SLC12A2: variants seen among roughly 807,000 people sequenced by gnomAD.
SLC12A2 encodes solute carrier family 12 member 2.
A neutral mutation model predicts 136.3 loss-of-function variants in SLC12A2; 67 were observed. The ratio of observed to expected loss-of-function variants is 0.49; its 90% CI spans 0.40 to 0.60. The LOEUF (loss-of-function observed/expected upper bound fraction) is 0.60, where lower values mean the gene tolerates loss of function less well. SLC12A2 is among the 20% of genes least tolerant of loss of function. The pLI, the probability that SLC12A2 is intolerant of heterozygous loss-of-function variation, is 0.00. For synonymous variants in SLC12A2, 619 were observed against 562.9 expected, an observed-to-expected ratio of 1.10 and a Z score of -1.41; for missense variants, 1,322 against 1,534.7, an observed-to-expected ratio of 0.86 and a Z score of 2.32.
intron 1 of SLC12A2, among the ~76,000 whole-genome samples, chr5:128,093,062 A>G (rs1010060944): frequency 6.6e-6 from 1 of 151,882 alleles, no homozygotes; most frequent in African/African-American, 2.4e-5. Context: ...TGTGGCTTCT[A>G]TTTTGCATAA....
At chr5:128,136,428 C>G (rs1195248268) in intron 7 of SLC12A2, among the ~76,000 whole-genome samples, 1 of 152,102 alleles carries the variant, frequency 6.6e-6, no homozygotes, top group Non-Finnish European at 1.5e-5. Context: ...CACAGTTTCT[C>G]TATTGTGAAG....
intron 9 of SLC12A2, 56 bp from the exon 10 acceptor site, chr5:128,141,774 T>C: frequency 6.8e-7 from 1 of 1,464,360 alleles, no homozygotes; most frequent in Non-Finnish European, 9.3e-7. Context: ...GTATATAAAA[T>C]TCTGAAATGA....
rs1759947627 is a variant in SLC12A2, at chr5:128,084,166, C to T, written c.212C>T (p.Pro71Leu). 4 of 1,296,968 alleles carry T rather than the reference C, an allele frequency of 3.1e-6. No individual in the cohort carries two copies. The highest frequency in any genetic ancestry group is 3.2e-5 in the East Asian group (1 of 30,902). 80.3% of individuals were successfully genotyped at this position (1,296,968 alleles called of 1,614,324 possible). The change falls in exon 1 of 27, where the codon CCC becomes CTC. Residue 71 changes from proline (P) to leucine (L), a missense_variant. By Grantham distance (98) the Pro-to-Leu change is moderately conservative. Coordinates refer to ENST00000262461, the MANE Select transcript of SLC12A2 (RefSeq NM_001046.3). This position sits in a 1 kb window ranked among gnomAD's most constrained non-coding sequence, Gnocchi z 5.6. ...GCGGCCGGGGACGGGCTGGGCAGAC[C>T]CTTGGGGCCCACCCCGAGCCAGAGC... ...PAAAGDGLGR[P>L]LGPTPSQSRF...
chr5:128,135,599 G>A, intron 6 of SLC12A2, 101 bp from the exon 7 acceptor site: 2 of 788,146 alleles, frequency 2.5e-6, no homozygotes, highest in South Asian at 3.3e-5. Context: ...GGCAAAACAA[G>A]ACAGAAATTC....
intron 10 of SLC12A2, among the ~76,000 whole-genome samples, chr5:128,144,003 T>C (rs1762450295): frequency 6.6e-6 from 1 of 151,728 alleles, no homozygotes; most frequent in African/African-American, 2.4e-5. Context: ...AATTATGTAA[T>C]AGAAGTTTGT....
intron 4 of SLC12A2, among the ~76,000 whole-genome samples, chr5:128,121,975 T>C (rs1418946389): frequency 6.6e-6 from 1 of 152,194 alleles, no homozygotes; most frequent in Non-Finnish European, 1.5e-5. Context: ...CCATCTTTAA[T>C]TAATCCATGA....
At chr5:128,157,882 G>A in intron 15 of SLC12A2, 171 bp from the exon 16 acceptor site, 1 of 530,364 alleles carries the variant, frequency 1.9e-6, no homozygotes, top group Non-Finnish European at 3.3e-6. Flanking sequence ...TTTTGTTTCT[G>A]CATTTCTCAT....
chr5:128,118,798 A>G (rs1256607553), intron 4 of SLC12A2, among the ~76,000 whole-genome samples: 2 of 152,208 alleles, frequency 1.3e-5, no homozygotes, highest in Non-Finnish European at 2.9e-5. Flanking sequence ...ATTGTTTCCC[A>G]ACAAATTAAA....
At chr5:128,115,171 T>C (rs748348736) in intron 4 of SLC12A2, among the ~76,000 whole-genome samples, 1 of 152,170 alleles carries the variant, frequency 6.6e-6, no homozygotes, top group Non-Finnish European at 1.5e-5. Flanking sequence ...CTCACCCAGG[T>C]TGGAGTGCAG....
chr5:128,087,252 T>G (rs948080583), intron 1 of SLC12A2, among the ~76,000 whole-genome samples: 28 of 152,324 alleles, frequency 1.8e-4, no homozygotes, highest in Middle Eastern at 3.4e-3. Flanking sequence ...TTATGAGTTA[T>G]TGGGGAAGGG....
chr5:128,186,092 C>T (rs1763858716), intron 26 of SLC12A2, among the ~76,000 whole-genome samples: 1 of 152,000 alleles, frequency 6.6e-6, no homozygotes, highest in South Asian at 2.1e-4. Context: ...TGTATCTTTT[C>T]TGTATTTAGA....
chr5:128,184,593 A>G (rs1763809398), intron 25 of SLC12A2, 92 bp downstream of exon 25: 6 of 1,302,756 alleles, frequency 4.6e-6, no homozygotes, highest in South Asian at 1.5e-5. Flanking sequence ...GGTCAGTTGT[A>G]TAAATGAACT....
intron 16 of SLC12A2, among the ~76,000 whole-genome samples, chr5:128,159,937 A>C (rs1762987112): frequency 6.6e-6 from 1 of 152,216 alleles, no homozygotes; most frequent in Admixed American, 6.5e-5. Flanking sequence ...ACACATACAC[A>C]CGTATGTTTA....
At chr5:128,103,599 G>A (rs1347975215) in intron 1 of SLC12A2, among the ~76,000 whole-genome samples, 4 of 152,118 alleles carry the variant, frequency 2.6e-5, no homozygotes, top group Non-Finnish European at 5.9e-5. Context: ...TAATTACAGA[G>A]TATGATATGT....
chr5:128,120,111 CTCA>C lies in SLC12A2; in HGVS notation c.1048+5437_1048+5439del, dbSNP rs1193245621. ...CAGCCAAAAGACACATGAAAAAATGCTCATCATCACTGGCCATCAGAGAAACGC... is the reference window on the plus strand; with the variant it reads ...CAGCCAAAAGACACATGAAAAAATGCTCATCACTGGCCATCAGAGAAACGC... On this transcript the variant is annotated intron_variant, in intron 4 of 26. Transcript: ENST00000262461. Among the ~76,000 whole-genome samples the C allele has an allele frequency of 2.0e-5, 3 of 152,056 alleles. No homozygotes were observed. In the East Asian group the frequency reaches 5.8e-4, roughly 29 times the overall value.
chr5:128,188,289 C>CTTTTTTTTTTTTT lies in SLC12A2; in HGVS notation c.*1670_*1682dup, dbSNP rs71949635. On this transcript the variant is annotated 3_prime_UTR_variant, in exon 27 of 27. Transcript: ENST00000262461. ...AAATTTATGCAGGTTTTCACGAATC[C>CTTTTTTTTTTTTT]TTTTTTTTTTTTTTTTTTTTTTTTG... The CTTTTTTTTTTTTT allele has an allele frequency of 1.2e-5, 1 of 85,514 alleles. No individual in the cohort carries two copies. The highest frequency in any genetic ancestry group is 2.2e-5 in the Non-Finnish European group (1 of 46,130). 5.3% of individuals were successfully genotyped at this position (85,514 alleles called of 1,614,324 possible).
At chr5:128,099,628 T>G (rs543106810) in intron 1 of SLC12A2, among the ~76,000 whole-genome samples, 1 of 152,230 alleles carries the variant, frequency 6.6e-6, no homozygotes, top group East Asian at 1.9e-4. Context: ...ATTGTACAAG[T>G]GTACAAGAGT....
intron 23 of SLC12A2, among the ~76,000 whole-genome samples, chr5:128,181,713 C>G (rs573000907): frequency 6.6e-6 from 1 of 152,162 alleles, no homozygotes; most frequent in East Asian, 1.9e-4. Context: ...CCTTGACAGT[C>G]TGTCCTCTCA....
intron 22 of SLC12A2, among the ~76,000 whole-genome samples, chr5:128,180,261 C>G (rs559768102): frequency 2.0e-5 from 3 of 152,052 alleles, no homozygotes; most frequent in Non-Finnish European, 4.4e-5. Context: ...TGAGCCACCA[C>G]GCCCAGCCCA....
Sources: allele counts gnomAD v4.1 joint callset (sites outside exome capture counted in the v4.1 genomes callset), GRCh38; gene constraint gnomAD v4.1.1; non-coding constraint Gnocchi (gnomAD v3.1); transcripts MANE v1.5; gene names NCBI Gene and HGNC (gene_info 2026-07-23, HGNC 2026-07-21).